Variants in PPP2R3A observed in about 807,000 individuals in gnomAD.
PPP2R3A encodes protein phosphatase 2 regulatory subunit B''alpha, also known as serine/threonine-protein phosphatase 2A regulatory subunit B'' subunit alpha.
In PPP2R3A, 80 loss-of-function variants were observed where a neutral mutation model predicts 106.9. That is an observed-to-expected ratio of 0.75 (90% CI 0.62 to 0.90). The LOEUF is 0.90. PPP2R3A is among the 40% of genes least tolerant of loss of function. The pLI, the probability that PPP2R3A is intolerant of heterozygous loss-of-function variation, is 0.00. For missense variants in PPP2R3A, 1,386 were observed against 1,350.4 expected (o/e 1.03, Z -0.41); for synonymous variants, 483 against 468.3 (o/e 1.03, Z -0.41).
At chr3:136,038,893 A>G (rs987612259) in intron 3 of PPP2R3A, among the ~76,000 whole-genome samples, 1 of 152,192 alleles carries the variant, frequency 6.6e-6, no homozygotes, top group Non-Finnish European at 1.5e-5. Context: ...CCTTTCCCTC[A>G]TTCTTGACCC....
At chr3:136,072,155 A>AT (rs1179340550) in intron 6 of PPP2R3A, among the ~76,000 whole-genome samples, 1 of 151,896 alleles carries the variant, frequency 6.6e-6, no homozygotes, top group African/African-American at 2.4e-5. Flanking sequence ...CTGATATTTA[A>AT]TTTTTTGTTT....
At chr3:136,132,310 G>A (rs1938459110) in intron 13 of PPP2R3A, among the ~76,000 whole-genome samples, 1 of 152,044 alleles carries the variant, frequency 6.6e-6, no homozygotes, top group Admixed American at 6.6e-5. Flanking sequence ...CATTCAGATT[G>A]GAAAGGAAGA....
At chr3:136,027,495 A>T (rs1312592247) in intron 3 of PPP2R3A, among the ~76,000 whole-genome samples, 1 of 152,138 alleles carries the variant, frequency 6.6e-6, no homozygotes, top group South Asian at 2.1e-4. Context: ...GACCATCTCA[A>T]TACAGTCATT....
chr3:136,022,815 G>T, intron 2 of PPP2R3A: 1 of 1,246,334 alleles, frequency 8.0e-7, no homozygotes, highest in Non-Finnish European at 1.0e-6. Context: ...CAGGCCCACT[G>T]CAGGCTGTGT....
chr3:136,022,045 G>T (rs1934484677), intron 2 of PPP2R3A, among the ~76,000 whole-genome samples: 1 of 152,014 alleles, frequency 6.6e-6, no homozygotes, highest in East Asian at 1.9e-4. Context: ...TTTACTTTAT[G>T]ATTCACTTAC....
At position 136,002,718 on chromosome 3, in the gene PPP2R3A, C is replaced by G. The variant is rs778276896; in HGVS notation, c.1220C>G (p.Ser407Cys). 4 of 1,612,902 alleles carry G rather than the reference C, an allele frequency of 2.5e-6. No homozygotes were observed. The highest frequency in any genetic ancestry group is 1.7e-4 in the Middle Eastern group (1 of 6,054). Reference sequence around the variant, plus strand: ...ACCATGAATCCTTTAGAAAATGTTTCTTCTGACGACTTAATGGAAACTCTT... The same window carrying G: ...ACCATGAATCCTTTAGAAAATGTTTGTTCTGACGACTTAATGGAAACTCTT... ...SLTMNPLENV[S>C]SDDLMETLYI... is the part of the protein sequence containing the mutation. Residue 407 changes from serine to cysteine, a missense_variant, in exon 2 of 14, where the codon TCT becomes TGT. Physicochemically the swap from Ser to Cys is moderately radical, Grantham distance 112. Transcript: ENST00000264977.
At chr3:135,996,345 A>G (rs557068260) in intron 1 of PPP2R3A, among the ~76,000 whole-genome samples, 3 of 152,260 alleles carry the variant, frequency 2.0e-5, no homozygotes, top group East Asian at 3.9e-4. Context: ...TTTCTTTTCT[A>G]CTTTGAAGTT....
chr3:135,993,242 C>T (rs1933249984), intron 1 of PPP2R3A, among the ~76,000 whole-genome samples: 1 of 151,864 alleles, frequency 6.6e-6, no homozygotes, highest in Admixed American at 6.6e-5. Context: ...AGAGATGACC[C>T]AAAAGATTCT....
In PPP2R3A at chr3:136,041,255, T is replaced by TG. The variant is rs1476958287; in HGVS notation, c.2366+293_2366+294insG. 1.8e-4 allele frequency among the ~76,000 whole-genome samples: 22 copies of TG among 121,060 alleles called. 1 individual carries two copies. Among genetic ancestry groups the TG allele is most frequent in the East Asian group, 1.4e-3 (7 of 4,930 alleles). 79.4% of individuals were successfully genotyped at this position (121,060 alleles called of 152,430 possible). On this transcript the variant is annotated intron_variant, in intron 4 of 13. Transcript: ENST00000264977. ...TTTTTCTTGTTTTTTTTTTTGTTTT[T>TG]TTTTTTGTTTTTTTTTTTTTGAGAC...
chr3:136,130,978 C>T (rs1184329380), intron 13 of PPP2R3A, among the ~76,000 whole-genome samples: 4 of 152,124 alleles, frequency 2.6e-5, no homozygotes, highest in Admixed American at 1.3e-4. Flanking sequence ...AAACTGGATC[C>T]CTTCCTTACA....
intron 5 of PPP2R3A, among the ~76,000 whole-genome samples, chr3:136,053,648 G>A (rs1406125033): frequency 6.6e-6 from 1 of 152,180 alleles, no homozygotes; most frequent in Non-Finnish European, 1.5e-5. Flanking sequence ...AGACAATAAA[G>A]CATGCTAAGG....
At chr3:135,994,193 A>G (rs890186895) in intron 1 of PPP2R3A, among the ~76,000 whole-genome samples, 3 of 152,228 alleles carry the variant, frequency 2.0e-5, no homozygotes, top group Non-Finnish European at 4.4e-5. Flanking sequence ...ATGTAGCTAG[A>G]TGAGATTTCT....
At chr3:136,108,370 A>T (rs957213104) in intron 13 of PPP2R3A, among the ~76,000 whole-genome samples, 3 of 152,114 alleles carry the variant, frequency 2.0e-5, no homozygotes, top group African/African-American at 7.2e-5. Context: ...TCTGGACTTT[A>T]ATTAGGAAAA....
chr3:136,102,387 G>T (rs1937401189), intron 11 of PPP2R3A, among the ~76,000 whole-genome samples: 1 of 124,558 alleles, frequency 8.0e-6, no homozygotes, highest in Non-Finnish European at 1.6e-5. Context: ...CGCTTTGTCT[G>T]CCAGGCTGGA....
At chr3:136,077,891 G>A (rs1401046386) in intron 6 of PPP2R3A, among the ~76,000 whole-genome samples, 2 of 152,142 alleles carry the variant, frequency 1.3e-5, no homozygotes, top group African/African-American at 4.8e-5. Context: ...GAGTCTAGAA[G>A]ACCGAGAGTC....
At position 136,063,966 on chromosome 3, in the gene PPP2R3A, A is replaced by G. The variant is rs1936171422; in HGVS notation, c.2470-6512A>G. Among the ~76,000 whole-genome samples, 6 of 150,902 alleles carry G rather than the reference A, an allele frequency of 4.0e-5. No individual in the cohort carries two copies. The South Asian group carries it at 1.1e-3, about 26-fold the overall frequency. ...CATGCTGCTATAAAGACACACGCAC[A>G]TGTATGTTTATTGCGGCACTATTCA... On this transcript the variant is annotated intron_variant, in intron 5 of 13. Transcript: ENST00000264977.
chr3:136,070,446 GT>G, intron 5 of PPP2R3A, 31 bp from the exon 6 acceptor site: 1 of 1,557,942 alleles, frequency 6.4e-7, no homozygotes, highest in Non-Finnish European at 8.7e-7. Flanking sequence ...TTGTATGTTT[GT>G]TAATTTAGTT....
chr3:135,996,601 C>G (rs909375597), intron 1 of PPP2R3A, among the ~76,000 whole-genome samples: 1 of 152,184 alleles, frequency 6.6e-6, no homozygotes, highest in Non-Finnish European at 1.5e-5. Context: ...CTCCTTTGCT[C>G]CTTCTTGATC....
At chr3:136,076,863 C>T (rs1936613985) in intron 6 of PPP2R3A, among the ~76,000 whole-genome samples, 3 of 151,332 alleles carry the variant, frequency 2.0e-5, no homozygotes, top group East Asian at 1.9e-4. Flanking sequence ...AGGAGAATGG[C>T]GTGAACCCGG....
Sources: allele counts gnomAD v4.1 joint callset (sites outside exome capture counted in the v4.1 genomes callset), GRCh38; gene constraint gnomAD v4.1.1; transcripts MANE v1.5; gene names NCBI Gene and HGNC (gene_info 2026-07-23, HGNC 2026-07-21).